The following ZKSCAN3 variants were observed in gnomAD, a reference collection of about 807,000 sequenced individuals.
ZKSCAN3 encodes zinc finger with KRAB and SCAN domains 3.
Under a neutral mutation model 30.7 loss-of-function variants are expected in ZKSCAN3, and 21 were observed. That is an observed-to-expected ratio of 0.68 (90% CI 0.49 to 0.99). The LOEUF (loss-of-function observed/expected upper bound fraction) is 0.99. Ranked by LOEUF, ZKSCAN3 falls within the 50% of genes least tolerant of loss-of-function variation. ZKSCAN3 has a pLI of 0.00. For missense variants in ZKSCAN3, 507 were observed against 647.1 expected (o/e 0.78, Z 2.35); for synonymous variants, 201 against 246.7 (o/e 0.81, Z 1.73).
chr6:28,360,451 A>T, intron 2 of ZKSCAN3: 1 of 509,252 alleles, frequency 2.0e-6, no homozygotes, highest in Non-Finnish European at 2.5e-6. Context: ...AGGAAATGCT[A>T]ACTTTCTCTT....
chr6:28,360,845 T>C (rs1358942935), intron 2 of ZKSCAN3, among the ~76,000 whole-genome samples: 1 of 152,200 alleles, frequency 6.6e-6, no homozygotes, highest in Admixed American at 6.5e-5. Flanking sequence ...ATAATAACTA[T>C]AAATGTCTGG....
Position 28,350,084 on chromosome 6 carries a change from A to ATGTGTGTGTGTGTGTGTGTGTGTGTGTG in ZKSCAN3, c.-63+44_-63+45insGTGTGTGTGTGTGTGTGTGTGTGTGTGT. 1 of 148,810 alleles carries ATGTGTGTGTGTGTGTGTGTGTGTGTGTG rather than the reference A, an allele frequency of 6.7e-6. No homozygotes were observed. Among genetic ancestry groups the ATGTGTGTGTGTGTGTGTGTGTGTGTGTG allele is most frequent in the Non-Finnish European group, 1.5e-5 (1 of 67,148 alleles). 9.2% of individuals were successfully genotyped at this position (148,810 alleles called of 1,614,324 possible). Reference sequence around the variant, plus strand: ...CGGGTAGAGGTGCGTTTGCAGGAGTATGTGTGTGTGTGTGTGTGTGTGTGT... The same window carrying ATGTGTGTGTGTGTGTGTGTGTGTGTGTG: ...CGGGTAGAGGTGCGTTTGCAGGAGTATGTGTGTGTGTGTGTGTGTGTGTGTGTGTGTGTGTGTGTGTGTGTGTGTGTGT... On this transcript the variant is annotated intron_variant, in intron 1 of 5. Coordinates refer to ENST00000252211, the MANE Select transcript of ZKSCAN3 (RefSeq NM_024493.4).
rs1386350556 is a variant in ZKSCAN3, at chr6:28,368,978, T to G, written c.*2693T>G. 1 of 152,600 alleles carries G rather than the reference T, an allele frequency of 6.6e-6. No homozygotes were observed. The highest frequency in any genetic ancestry group is 1.5e-5 in the Non-Finnish European group (1 of 68,206). 9.5% of individuals were successfully genotyped at this position (152,600 alleles called of 1,614,324 possible). A position where few individuals can be genotyped will look rare whatever the true frequency, so the allele number is the denominator to read the frequency against. ...GACTTGGGCATTGTGATATATTATC[T>G]CCTGCTGTATGTATTTTGTTTAGTA... On this transcript the variant is annotated 3_prime_UTR_variant, in exon 6 of 6. Transcript: ENST00000252211.
chr6:28,361,204 G>A (rs962616555), intron 2 of ZKSCAN3, 120 bp from the exon 3 acceptor site: 4 of 1,106,710 alleles, frequency 3.6e-6, no homozygotes, highest in African/African-American at 1.6e-5. Flanking sequence ...TTATAAGATT[G>A]TTGTTTTCTG....
chr6:28,362,517 C>A (rs983728468), intron 3 of ZKSCAN3, among the ~76,000 whole-genome samples: 1 of 152,034 alleles, frequency 6.6e-6, no homozygotes, highest in Non-Finnish European at 1.5e-5. Flanking sequence ...AGCCAACATG[C>A]GATCTTTATT....
rs1411083440 is a variant in ZKSCAN3, at chr6:28,368,529, T to G, written c.*2244T>G. 6.6e-6 allele frequency: 1 copy of G among 152,352 alleles called. No homozygotes were observed. Among genetic ancestry groups the G allele is most frequent in the Admixed American group, 6.5e-5 (1 of 15,288 alleles). 9.4% of individuals were successfully genotyped at this position (152,352 alleles called of 1,614,324 possible). On this transcript the variant is annotated 3_prime_UTR_variant, in exon 6 of 6. Coordinates refer to ENST00000252211, the MANE Select transcript of ZKSCAN3 (RefSeq NM_024493.4). ...TGTATTCAAGTGAGAAAATTTTTAGTCAGCATTATACAAGTAGTATTTATT... is the reference window on the plus strand; with the variant it reads ...TGTATTCAAGTGAGAAAATTTTTAGGCAGCATTATACAAGTAGTATTTATT...
intron 5 of ZKSCAN3, among the ~76,000 whole-genome samples, chr6:28,364,377 G>A (rs1561940107): frequency 6.6e-6 from 1 of 152,172 alleles, no homozygotes. Flanking sequence ...TACAGGTCTG[G>A]CTCACAGGAG....
rs1165181278 is a variant in ZKSCAN3 at position 28,351,771 on chromosome 6, C to T, written c.-63+1704C>T. Among the ~76,000 whole-genome samples the T allele has an allele frequency of 6.6e-6, 1 of 150,958 alleles. No homozygotes were observed. The highest frequency in any genetic ancestry group is 6.6e-5 in the Admixed American group (1 of 15,106). On this transcript the variant is annotated intron_variant, in intron 1 of 5. Transcript: ENST00000252211. The surrounding 1 kb of genome is among the most constrained non-coding windows in gnomAD (Gnocchi z 4.6). Reference sequence around the variant, plus strand: ...CTTTATCTCTTTTTTTTCCTCATTTCGTCCCTCTCTTCTCTTTCATTTTAT... The same window carrying T: ...CTTTATCTCTTTTTTTTCCTCATTTTGTCCCTCTCTTCTCTTTCATTTTAT...
chr6:28,356,513 A>G (rs1156283472), intron 1 of ZKSCAN3, among the ~76,000 whole-genome samples: 1 of 152,188 alleles, frequency 6.6e-6, no homozygotes, highest in Non-Finnish European at 1.5e-5. Flanking sequence ...GGGTACAAGC[A>G]CTATAAGAAG....
At position 28,359,731 on chromosome 6, in the gene ZKSCAN3, T is replaced by C; in HGVS notation, c.145T>C (p.Phe49Leu). Residue 49 changes from phenylalanine (F) to leucine (L), a missense_variant, in exon 2 of 6, where the codon TTC becomes CTC. Physicochemically the swap from Phe to Leu is conservative, Grantham distance 22. Coordinates refer to ENST00000252211, the MANE Select transcript of ZKSCAN3 (RefSeq NM_024493.4). ...DLGSEGSRERFRGFRYPEAAG... is the reference protein window; with the variant it reads ...DLGSEGSRERLRGFRYPEAAG... ...GGGTTCTGAGGGCTCCCGCGAGCGC[T>C]TCCGAGGCTTCCGCTACCCGGAGGC... 1 of 1,614,118 alleles carries C rather than the reference T, an allele frequency of 6.2e-7. No homozygotes were observed. Among genetic ancestry groups the C allele is most frequent in the Non-Finnish European group, 8.5e-7 (1 of 1,180,024 alleles).
Position 28,367,054 on chromosome 6 carries a change from T to C in ZKSCAN3, c.*769T>C, listed in dbSNP as rs35191424. 53,375 of 151,960 alleles carry C rather than the reference T, an allele frequency of 0.35. 10,113 individuals carry two copies. The highest frequency in any genetic ancestry group is 0.49 in the African/African-American group (20,444 of 41,338). 9.4% of individuals were successfully genotyped at this position (151,960 alleles called of 1,614,324 possible). A position where few individuals can be genotyped will look rare whatever the true frequency, so the allele number is the denominator to read the frequency against. ...GCCTCAGCCTCCTGAGTAGCTGGGA[T>C]TACAGGTGTGTGCCACCATGCCCGG... On this transcript the variant is annotated 3_prime_UTR_variant, in exon 6 of 6. Transcript: ENST00000252211.
At chr6:28,355,965 GGA>G (rs1765393473) in intron 1 of ZKSCAN3, 1 of 152,204 alleles carries the variant, frequency 6.6e-6, no homozygotes, top group Admixed American at 6.5e-5. Context: ...CTCAGGCATG[GGA>G]GAGACATCCA....
At chr6:28,357,369 G>GGTA (rs1170941105) in intron 1 of ZKSCAN3, among the ~76,000 whole-genome samples, 1 of 152,202 alleles carries the variant, frequency 6.6e-6, no homozygotes, top group Non-Finnish European at 1.5e-5. Flanking sequence ...AGAGCTAGTA[G>GGTA]GTAGTAAAGC....
chr6:28,358,194 T>A (rs1479562601), intron 1 of ZKSCAN3, among the ~76,000 whole-genome samples: 1 of 152,178 alleles, frequency 6.6e-6, no homozygotes, highest in East Asian at 1.9e-4. Flanking sequence ...CCTGTATGTT[T>A]TTTTTAAGAG....
Position 28,359,977 on chromosome 6 carries a change from C to T in ZKSCAN3, c.391C>T (p.Pro131Ser), listed in dbSNP as rs1284166375. 1 of 1,614,124 alleles carries T rather than the reference C, an allele frequency of 6.2e-7. No homozygotes were observed. The highest frequency in any genetic ancestry group is 1.7e-5 in the Admixed American group (1 of 60,022). ...LEYLERQLDE[P>S]APQVSGVDQG... ...GTATTTGGAGAGGCAGCTGGATGAG[C>T]CGGCGCCGCAGGTAGAAAGAACAGG... The change falls in exon 2 of 6, where the codon CCG becomes TCG. Residue 131 changes from proline to serine, a missense_variant. Coordinates refer to ENST00000252211, the MANE Select transcript of ZKSCAN3 (RefSeq NM_024493.4).
At chr6:28,360,798 G>C (rs575893168) in intron 2 of ZKSCAN3, 1 of 971,604 alleles carries the variant, frequency 1.0e-6, no homozygotes, top group South Asian at 4.8e-5. Context: ...GAAATTCTGA[G>C]CTGCACATGA....
chr6:28,361,340 A>T lies in ZKSCAN3; in HGVS notation c.419A>T (p.Gln140Leu). The T allele has an allele frequency of 1.2e-6, 2 of 1,612,332 alleles. No individual in the cohort carries two copies. Among genetic ancestry groups the T allele is most frequent in the South Asian group, 2.2e-5 (2 of 90,382 alleles). ...EPAPQVSGVD[Q>L]GQELLCCKMA... ...GATTTCTAGGTTTCAGGTGTTGACC[A>T]GGGGCAAGAACTGCTCTGTTGCAAG... is the stretch of plus-strand genomic sequence containing the variant. The change falls in exon 3 of 6, where the codon CAG becomes CTG. Residue 140 changes from glutamine (Q) to leucine (L), a missense_variant. Coordinates refer to ENST00000252211, the MANE Select transcript of ZKSCAN3 (RefSeq NM_024493.4).
At position 28,351,696 on chromosome 6, in the gene ZKSCAN3, TC is replaced by T. The variant is rs1765028966; in HGVS notation, c.-63+1632del. On this transcript the variant is annotated intron_variant, in intron 1 of 5. Transcript: ENST00000252211. This position sits in a 1 kb window ranked among gnomAD's most constrained non-coding sequence, Gnocchi z 4.6. ...TCCCTCTTTCCCTCTCTCCTTTCTTTCCCTCTCCCTCCTTTCTTTGTCTTCC... is the reference window on the plus strand; with the variant it reads ...TCCCTCTTTCCCTCTCTCCTTTCTTTCCTCTCCCTCCTTTCTTTGTCTTCC... Among the ~76,000 whole-genome samples, 1 of 151,650 alleles carries T rather than the reference TC, an allele frequency of 6.6e-6. No homozygotes were observed. Among genetic ancestry groups the T allele is most frequent in the Non-Finnish European group, 1.5e-5 (1 of 67,884 alleles).
At chr6:28,353,019 G>A (rs909150232) in intron 1 of ZKSCAN3, among the ~76,000 whole-genome samples, 2 of 149,364 alleles carry the variant, frequency 1.3e-5, no homozygotes, top group Non-Finnish European at 3.0e-5. Context: ...CTGGAGTGCA[G>A]GTGCAGTGGT....
Sources: gnomAD v4.1 joint callset for allele counts (sites outside exome capture counted in the v4.1 genomes callset) on GRCh38, gnomAD v4.1.1 for gene constraint, Gnocchi (gnomAD v3.1) non-coding constraint, MANE v1.5 for transcripts, NCBI Gene and HGNC (gene_info 2026-07-23, HGNC 2026-07-21) for gene names.